Variants in CERS3 observed in about 807,000 individuals in gnomAD.
CERS3 encodes ceramide synthase 3.
In CERS3, 33 loss-of-function variants were observed where a neutral mutation model predicts 50.3. The ratio of observed to expected loss-of-function variants is 0.66; its 90% CI spans 0.50 to 0.88. The LOEUF (loss-of-function observed/expected upper bound fraction) is 0.88. CERS3 is among the 40% of genes least tolerant of loss of function. CERS3 has a pLI of 0.00. For synonymous variants in CERS3, 176 were observed against 155.2 expected, an observed-to-expected ratio of 1.13 and a Z score of -0.99; for missense variants, 470 against 460.3, an observed-to-expected ratio of 1.02 and a Z score of -0.19.
At chr15:100,423,480 C>T (rs574432753) in intron 11 of CERS3, among the ~76,000 whole-genome samples, 1 of 152,254 alleles carries the variant, frequency 6.6e-6, no homozygotes, top group East Asian at 1.9e-4. Context: ...AACATGGATG[C>T]AGCTGGAGGC....
chr15:100,485,534 C>A (rs2035458470), intron 4 of CERS3, among the ~76,000 whole-genome samples: 1 of 152,170 alleles, frequency 6.6e-6, no homozygotes, highest in Non-Finnish European at 1.5e-5. Flanking sequence ...GAAATATGCT[C>A]ATAAAAAATG....
intron 11 of CERS3, among the ~76,000 whole-genome samples, chr15:100,407,159 A>G (rs2031107616): frequency 6.6e-6 from 1 of 152,188 alleles, no homozygotes; most frequent in Admixed American, 6.5e-5. Context: ...GGAAACTCAA[A>G]TCAGAACAAA....
chr15:100,497,876 CACACACACACACACACACACTT>C (rs1469308226), intron 3 of CERS3, among the ~76,000 whole-genome samples: 6 of 81,314 alleles, frequency 7.4e-5, no homozygotes, highest in South Asian at 4.1e-4. Flanking sequence ...CACACACACA[CACACACACACACACACACACTT>C]TTTTTTTTTT....
At chr15:100,464,174 C>T (rs988388152) in intron 10 of CERS3, among the ~76,000 whole-genome samples, 6 of 152,136 alleles carry the variant, frequency 3.9e-5, no homozygotes, top group African/African-American at 1.4e-4. Context: ...ACCTTACAAG[C>T]ATATGTATCC....
chr15:100,494,259 T>TATATATATATATA (rs1567660619), intron 3 of CERS3, among the ~76,000 whole-genome samples: 3 of 16,822 alleles, frequency 1.8e-4, no homozygotes, highest in Non-Finnish European at 3.6e-4. Flanking sequence ...ATATATATAT[T>TATATATATATATA]TGTTTTGAGA....
At chr15:100,473,138 C>T (rs2035022386) in intron 8 of CERS3, 86 bp from the exon 9 acceptor site, 3 of 1,366,534 alleles carry the variant, frequency 2.2e-6, no homozygotes, top group Non-Finnish European at 2.0e-6. Context: ...AATAATGAGA[C>T]CAATAACTTA....
intron 11 of CERS3, among the ~76,000 whole-genome samples, chr15:100,425,013 C>T (rs1010184482): frequency 7.8e-6 from 1 of 128,742 alleles, no homozygotes; most frequent in East Asian, 2.9e-4. Flanking sequence ...ACCTTGGCGG[C>T]TTCCATATAG....
At chr15:100,429,568 C>G (rs776863524) in intron 11 of CERS3, among the ~76,000 whole-genome samples, 1 of 152,088 alleles carries the variant, frequency 6.6e-6, no homozygotes, top group Non-Finnish European at 1.5e-5. Flanking sequence ...CTCCCTGGAG[C>G]GCCCACGCAT....
At chr15:100,441,402 A>G (rs1256769769) in intron 11 of CERS3, among the ~76,000 whole-genome samples, 1 of 150,604 alleles carries the variant, frequency 6.6e-6, no homozygotes, top group Non-Finnish European at 1.5e-5. Flanking sequence ...CTGACCACTT[A>G]TCTCTGTGCC....
intron 11 of CERS3, among the ~76,000 whole-genome samples, chr15:100,437,411 T>C (rs943299589): frequency 2.0e-5 from 3 of 152,200 alleles, no homozygotes; most frequent in Non-Finnish European, 4.4e-5. Flanking sequence ...CCCTAACATG[T>C]TGACATCTAC....
intron 11 of CERS3, among the ~76,000 whole-genome samples, chr15:100,407,833 C>A (rs2031172234): frequency 6.6e-6 from 1 of 152,140 alleles, no homozygotes; most frequent in Non-Finnish European, 1.5e-5. Context: ...AGGTTACATG[C>A]AAATGCAACA....
chr15:100,543,618 C>T (rs769530129), intron 1 of CERS3, among the ~76,000 whole-genome samples: 12 of 151,874 alleles, frequency 7.9e-5, no homozygotes, highest in Non-Finnish European at 1.2e-4. Context: ...TCACCTCTGC[C>T]TCCTGGGTTC....
chr15:100,518,032 C>G (rs2036539827), intron 2 of CERS3, among the ~76,000 whole-genome samples: 1 of 152,204 alleles, frequency 6.6e-6, no homozygotes, highest in Non-Finnish European at 1.5e-5. Context: ...ATCTCTCTGG[C>G]CAGGGCAGCT....
At chr15:100,481,164 C>G (rs1249262985) in intron 5 of CERS3, among the ~76,000 whole-genome samples, 2 of 152,078 alleles carry the variant, frequency 1.3e-5, no homozygotes, top group African/African-American at 4.8e-5. Context: ...GAATCAGAAT[C>G]AGAAAAATGA....
chr15:100,507,116 T>A (rs1039946238), intron 2 of CERS3, among the ~76,000 whole-genome samples: 3 of 152,134 alleles, frequency 2.0e-5, no homozygotes, highest in Non-Finnish European at 4.4e-5. Context: ...CAAGCTTGCA[T>A]CCACGAACCC....
intron 5 of CERS3, 115 bp from the exon 6 acceptor site, chr15:100,480,161 CA>C: frequency 1.3e-6 from 1 of 771,446 alleles, no homozygotes; most frequent in Middle Eastern, 2.4e-4. Context: ...TCAGACAAAT[CA>C]AAGTTTCTAT....
intron 2 of CERS3, among the ~76,000 whole-genome samples, chr15:100,511,427 T>A (rs1047582786): frequency 2.0e-5 from 3 of 151,066 alleles, no homozygotes; most frequent in African/African-American, 7.3e-5. Context: ...ATCCAGGGAC[T>A]TTTTCCATCA....
At chr15:100,517,274 C>A (rs1206263714) in intron 2 of CERS3, among the ~76,000 whole-genome samples, 1 of 152,256 alleles carries the variant, frequency 6.6e-6, no homozygotes, top group African/African-American at 2.4e-5. Context: ...ATACTGTTGG[C>A]ATTGACACTG....
At chr15:100,408,683 T>C (rs1403814994) in intron 11 of CERS3, 4 of 152,132 alleles carry the variant, frequency 2.6e-5, no homozygotes, top group Non-Finnish European at 5.9e-5. Flanking sequence ...GATGGATGAA[T>C]AGGATGGGTG....
Sources: allele counts gnomAD v4.1 joint callset (sites outside exome capture counted in the v4.1 genomes callset), GRCh38; gene constraint gnomAD v4.1.1; transcripts MANE v1.5; gene names NCBI Gene and HGNC (gene_info 2026-07-23, HGNC 2026-07-21).